The following RASA3 variants were observed in gnomAD, a reference collection of about 807,000 sequenced individuals.
RASA3 encodes RAS p21 protein activator 3.
RASA3 carries 73 observed loss-of-function variants against 110.0 expected under a neutral mutation model. The ratio of observed to expected loss-of-function variants is 0.66; its 90% confidence interval spans 0.55 to 0.81. The LOEUF (loss-of-function observed/expected upper bound fraction) is 0.81. RASA3 is among the 30% of genes least tolerant of loss of function. RASA3 has a pLI of 0.00. For synonymous variants in RASA3, 500 were observed against 451.4 expected (o/e 1.11, Z -1.37); for missense variants, 976 against 1,113.2 (o/e 0.88, Z 1.75).
chr13:114,092,288 C>T (rs1369033785), intron 1 of RASA3, among the ~76,000 whole-genome samples: 1 of 152,134 alleles, frequency 6.6e-6, no homozygotes, highest in East Asian at 1.9e-4. Context: ...ACTTCTATGA[C>T]ATAGGCATTC....
At chr13:114,058,035 C>T (rs2139594914) in intron 2 of RASA3, among the ~76,000 whole-genome samples, 1 of 152,176 alleles carries the variant, frequency 6.6e-6, no homozygotes, top group East Asian at 1.9e-4. Flanking sequence ...GTGCGTTTTC[C>T]TCACTGTCCT....
chr13:114,062,932 T>C (rs1257428863), intron 2 of RASA3, among the ~76,000 whole-genome samples: 1 of 152,208 alleles, frequency 6.6e-6, no homozygotes, highest in Non-Finnish European at 1.5e-5. Context: ...ACGCTTCCAC[T>C]GACACGAAAT....
chr13:114,042,524 G>C (rs2054433501), intron 3 of RASA3, among the ~76,000 whole-genome samples: 1 of 152,226 alleles, frequency 6.6e-6, no homozygotes, highest in Non-Finnish European at 1.5e-5. Context: ...ACTGAAGTGA[G>C]AAACTCTGGG....
At chr13:114,018,994 T>C in intron 9 of RASA3, 75 bp from the exon 10 acceptor site, 1 of 1,574,340 alleles carries the variant, frequency 6.4e-7, no homozygotes, top group Non-Finnish European at 8.7e-7. Flanking sequence ...GAAGCCCAGC[T>C]GCCTGCTTGA....
At chr13:114,064,902 C>T (rs183135759) in intron 2 of RASA3, among the ~76,000 whole-genome samples, 176 of 152,336 alleles carry the variant, frequency 1.2e-3, no homozygotes, top group African/African-American at 3.8e-3. Flanking sequence ...GGACCAGGCT[C>T]GCCTGAAATC....
In RASA3 at chr13:114,048,055, C is replaced by T. The variant is rs1372105830; in HGVS notation, c.277+3997G>A. Among the ~76,000 whole-genome samples the T allele has an allele frequency of 2.0e-5, 3 of 152,190 alleles. No homozygotes were observed. The highest frequency in any genetic ancestry group is 7.2e-5 in the African/African-American group (3 of 41,450). On this transcript the variant is annotated intron_variant, in intron 3 of 23. Transcript: ENST00000334062. This position sits in a 1 kb window ranked among gnomAD's most constrained non-coding sequence, Gnocchi z 4.3. Reference sequence around the variant, plus strand: ...TCTCGGCCGGGCGCGGTGGCTCACGCCTGTAATCCCAGCACTTTGGGAGGC... The same window carrying T: ...TCTCGGCCGGGCGCGGTGGCTCACGTCTGTAATCCCAGCACTTTGGGAGGC...
chr13:114,051,531 T>C (rs1420402756), intron 3 of RASA3, among the ~76,000 whole-genome samples: 1 of 152,152 alleles, frequency 6.6e-6, no homozygotes, highest in African/African-American at 2.4e-5. Context: ...GCCCATGAGC[T>C]TTCTCCAAGA....
At chr13:114,036,444 C>G (rs1417546884) in intron 4 of RASA3, among the ~76,000 whole-genome samples, 1 of 152,240 alleles carries the variant, frequency 6.6e-6, no homozygotes, top group African/African-American at 2.4e-5. Flanking sequence ...CATGGAGCCA[C>G]ATGGCTACCC....
At chr13:114,016,077 C>G (rs192556258) in intron 13 of RASA3, 120 bp downstream of exon 13, 2 of 828,208 alleles carry the variant, frequency 2.4e-6, no homozygotes, top group African/African-American at 3.4e-5. Flanking sequence ...GGTATCCCCA[C>G]GCCTGGTCCT....
chr13:114,124,932 T>G (rs1360807014), intron 1 of RASA3, among the ~76,000 whole-genome samples: 1 of 152,210 alleles, frequency 6.6e-6, no homozygotes, highest in Non-Finnish European at 1.5e-5. Context: ...AGACATATAC[T>G]TGCTGCTACG....
rs965064954 is a variant in RASA3, at chr13:114,015,416, C to A, written c.1282-84G>T. ...ACCAGGGCACGCCCAGGGAGGGGCG[C>A]GTGGGGAGGGGCTGAGGGCGGGCGC... On this transcript the variant is annotated intron_variant, in intron 13 of 23. Coordinates refer to ENST00000334062, the MANE Select transcript of RASA3 (RefSeq NM_007368.4). The A allele has an allele frequency of 2.1e-5, 33 of 1,558,460 alleles. 1 individual carries two copies. Among genetic ancestry groups the A allele is most frequent in the Admixed American group, 3.5e-5 (2 of 57,152 alleles).
intron 11 of RASA3, 107 bp downstream of exon 11, chr13:114,017,997 T>C (rs906409028): frequency 4.7e-6 from 6 of 1,266,160 alleles, no homozygotes; most frequent in Admixed American, 3.5e-5. Context: ...CTGGGGACCC[T>C]TGAATTCCCT....
intron 17 of RASA3, 21 bp downstream of exon 17, chr13:114,009,366 G>A (rs770419385): frequency 5.0e-6 from 8 of 1,592,210 alleles, no homozygotes; most frequent in Non-Finnish European, 6.0e-6. Context: ...ACGGGCGGTC[G>A]GAGGGTGAGT....
rs576234092 is a variant in RASA3, at chr13:114,062,605, A to C, written c.174-10450T>G. Among the ~76,000 whole-genome samples, 18 of 151,404 alleles carry C rather than the reference A, an allele frequency of 1.2e-4. No individual in the cohort carries two copies. The South Asian group carries it at 1.3e-3, about 11-fold the overall frequency. On this transcript the variant is annotated intron_variant, in intron 2 of 23. Coordinates refer to ENST00000334062, the MANE Select transcript of RASA3 (RefSeq NM_007368.4). ...GCTCACAGCCCACGTCCGCACGCAG[A>C]CTCAGACACGCGTGCTCACAGCCCA... is the stretch of plus-strand genomic sequence containing the variant.
At chr13:114,106,896 T>C (rs2080141563) in intron 1 of RASA3, among the ~76,000 whole-genome samples, 1 of 152,280 alleles carries the variant, frequency 6.6e-6, no homozygotes, top group South Asian at 2.1e-4. Context: ...TATTTTTCTG[T>C]ATTTTAAAAT....
intron 1 of RASA3, among the ~76,000 whole-genome samples, chr13:114,116,290 G>C (rs1001574101): frequency 2.0e-5 from 3 of 152,156 alleles, no homozygotes; most frequent in African/African-American, 7.2e-5. Context: ...TTGCAACTCT[G>C]AAACACACAT....
chr13:113,984,639 T>C (rs1218182687), intron 22 of RASA3, among the ~76,000 whole-genome samples: 5 of 54,466 alleles, frequency 9.2e-5, no homozygotes, highest in African/African-American at 3.0e-4. Flanking sequence ...CACCCATCCA[T>C]CCATCCACCA....
At chr13:114,074,168 A>AGTTCTGTGGCATTAACCAC (rs2079628185) in intron 1 of RASA3, among the ~76,000 whole-genome samples, 1 of 152,196 alleles carries the variant, frequency 6.6e-6, no homozygotes, top group South Asian at 2.1e-4. Context: ...TCGCGTGCAC[A>AGTTCTGTGGCATTAACCAC]GTTCTGTGGC....
chr13:114,014,856 C>A lies in RASA3; in HGVS notation c.1405+353G>T, dbSNP rs1261864162. On this transcript the variant is annotated intron_variant, in intron 14 of 23. Transcript: ENST00000334062. This position sits in a 1 kb window ranked among gnomAD's most constrained non-coding sequence, Gnocchi z 4.5. ...CACATCAGGAAAATTCACATTCCACCCCGACAAAGCCTGGCCACCCTTCCC... is the reference window on the plus strand; with the variant it reads ...CACATCAGGAAAATTCACATTCCACACCGACAAAGCCTGGCCACCCTTCCC... Among the ~76,000 whole-genome samples, 1 of 152,090 alleles carries A rather than the reference C, an allele frequency of 6.6e-6. No homozygotes were observed. The highest frequency in any genetic ancestry group is 1.5e-5 in the Non-Finnish European group (1 of 68,000).
Sources: gnomAD v4.1 joint callset for allele counts (sites outside exome capture counted in the v4.1 genomes callset) on GRCh38, gnomAD v4.1.1 for gene constraint, Gnocchi (gnomAD v3.1) non-coding constraint, MANE v1.5 for transcripts, NCBI Gene and HGNC (gene_info 2026-07-23, HGNC 2026-07-21) for gene names.